APOBEC3B: variants seen among roughly 807,000 people sequenced by gnomAD.
APOBEC3B encodes the protein apolipoprotein B mRNA editing enzyme catalytic subunit 3B.
Under a neutral mutation model 53.4 loss-of-function variants are expected in APOBEC3B, and 29 were observed. The ratio of observed to expected loss-of-function variants is 0.54; its 90% CI spans 0.40 to 0.74. APOBEC3B has a LOEUF of 0.74. Among genes scored for constraint, APOBEC3B ranks in the 30% least tolerant of loss-of-function variants. The pLI, the probability that APOBEC3B is intolerant of heterozygous loss-of-function variation, is 0.00. For missense variants in APOBEC3B, 347 were observed against 496.2 expected (o/e 0.70, Z 2.86); for synonymous variants, 132 against 184.8 (o/e 0.71, Z 2.32).
At chr22:38,989,645 C>G in intron 5 of APOBEC3B, 35 bp downstream of exon 5, 1 of 1,532,212 alleles carries the variant, frequency 6.5e-7, no homozygotes, top group African/African-American at 1.4e-5. Context: ...CAGGCAGGGC[C>G]CTCCCAATCC....
intron 7 of APOBEC3B, 37 bp from the exon 8 acceptor site, chr22:38,992,394 T>C: frequency 6.3e-7 from 1 of 1,597,024 alleles, no homozygotes; most frequent in Non-Finnish European, 8.5e-7. Context: ...TTCCACTCTC[T>C]CACCTCCTGC....
At chr22:38,986,123 C>G in intron 3 of APOBEC3B, 32 bp downstream of exon 3, 1 of 1,583,994 alleles carries the variant, frequency 6.3e-7, no homozygotes, top group South Asian at 1.1e-5. Flanking sequence ...GGAGCGTGAG[C>G]GGGAGGAACA....
Position 38,982,551 on chromosome 22 carries a change from C to T in APOBEC3B, c.17+81C>T. ...CCTGCTGGGCCTCAACCCTGGCCTC[C>T]CCCCGCCCCTGCCCCAGCCCTGGGC... On this transcript the variant is annotated intron_variant, in intron 1 of 7. Transcript: ENST00000333467. The T allele has an allele frequency of 7.9e-6, 12 of 1,525,116 alleles. 3 individuals are homozygous for T. The highest frequency in any genetic ancestry group is 3.7e-5 in the Admixed American group (2 of 53,696). The allele number at this position is 1,525,116 out of a possible 1,614,324, so 94.5% of individuals were successfully genotyped here.
intron 4 of APOBEC3B, among the ~76,000 whole-genome samples, chr22:38,988,691 T>TCTCTCTCTC (rs1447601363): frequency 2.3e-5 from 2 of 87,912 alleles, no homozygotes; most frequent in East Asian, 6.1e-4. Flanking sequence ...TTCTCTTTCT[T>TCTCTCTCTC]TCTTTCTTTC....
Position 38,989,582 on chromosome 22 carries a change from A to G in APOBEC3B, c.695A>G (p.Asp232Gly). 3 of 1,585,476 alleles carry G rather than the reference A, an allele frequency of 1.9e-6. No individual in the cohort carries two copies. Among genetic ancestry groups the G allele is most frequent in the Non-Finnish European group, 2.6e-6 (3 of 1,167,346 alleles). Residue 232 changes from aspartate (D) to glycine (G), a missense_variant, in exon 5 of 8, where the codon GAC becomes GGC. Around this residue, in one of 5 missense-constraint regions of APOBEC3B, gnomAD observed 156 missense variants for 166.7 expected, o/e 0.94. Transcript: ENST00000333467. The stretch of plus-strand genomic sequence containing the variant: ...GACAATGGCACCTGGGTCCTGATGG[A>G]CCAGCACATGGGCTTTCTATGCAAC... ...RLDNGTWVLM[D>G]QHMGFLCNEA...
In APOBEC3B at chr22:38,985,932, G is replaced by A; in HGVS notation, c.295G>A (p.Asp99Asn). ...TWFVSWTPCP[D>N]CVAKLAEFLS... ...GTTTGTATCCTGGACCCCCTGCCCG[G>A]ACTGTGTGGCGAAGCTGGCCGAATT... The change falls in exon 3 of 8, where the codon GAC becomes AAC. Residue 99 changes from aspartate (D) to asparagine (N), a missense_variant. Coordinates refer to ENST00000333467, the MANE Select transcript of APOBEC3B (RefSeq NM_004900.5). 1 of 1,601,580 alleles carries A rather than the reference G, an allele frequency of 6.2e-7. No individual in the cohort carries two copies. The highest frequency in any genetic ancestry group is 8.5e-7 in the Non-Finnish European group (1 of 1,176,582).
At chr22:38,984,896 T>G (rs1923673430) in intron 2 of APOBEC3B, among the ~76,000 whole-genome samples, 1 of 24,990 alleles carries the variant, frequency 4.0e-5, no homozygotes, top group Non-Finnish European at 8.7e-5. Context: ...CTTTTTTTCC[T>G]TTTTTTTTTT....
chr22:38,991,553 C>T lies in APOBEC3B; in HGVS notation c.945C>T (p.Tyr315=), dbSNP rs1065184. ...TCTTCGCTGCCCGCATCTATGATTACGACCCCCTATATAAGGAGGCGCTGC... is the reference window on the plus strand; with the variant it reads ...TCTTCGCTGCCCGCATCTATGATTATGACCCCCTATATAAGGAGGCGCTGC... ...LRIFAARIYD[Y]DPLYKEALQM... Residue 315 remains tyrosine (Y), a synonymous_variant, in exon 6 of 8, where the codon TAC becomes TAT. Coordinates refer to ENST00000333467, the MANE Select transcript of APOBEC3B (RefSeq NM_004900.5). The T allele has an allele frequency of 0.45, 712,515 of 1,575,482 alleles. 113,546 individuals are homozygous for T. Among genetic ancestry groups the T allele is most frequent in the South Asian group, 0.57 (49,845 of 87,398 alleles).
At position 38,991,525 on chromosome 22, in the gene APOBEC3B, G is replaced by T. The variant is rs772607602; in HGVS notation, c.917G>T (p.Arg306Leu). The T allele has an allele frequency of 8.2e-6, 13 of 1,593,892 alleles. 2 individuals carry two copies. Among genetic ancestry groups the T allele is most frequent in the Non-Finnish European group, 1.1e-5 (13 of 1,172,724 alleles). The change falls in exon 6 of 8, where the codon CGC becomes CTC. Residue 306 changes from arginine (R) to leucine (L), a missense_variant. This residue lies in a region of APOBEC3B where 78 missense variants were observed against 103.9 expected (regional missense o/e 0.75). Coordinates refer to ENST00000333467, the MANE Select transcript of APOBEC3B (RefSeq NM_004900.5). ...FLQENTHVRL[R>L]IFAARIYDYD... is the part of the protein sequence containing the mutation. ...CAGGAGAACACACACGTGAGACTGC[G>T]CATCTTCGCTGCCCGCATCTATGAT...
intron 4 of APOBEC3B, among the ~76,000 whole-genome samples, chr22:38,988,691 T>TTC (rs1569039012): frequency 8.0e-5 from 7 of 87,944 alleles, no homozygotes; most frequent in Admixed American, 2.5e-4. Flanking sequence ...TTCTCTTTCT[T>TTC]TCTTTCTTTC....
chr22:38,984,138 C>T lies in APOBEC3B; in HGVS notation c.81C>T (p.Leu27=). ...ACAACTTTGAAAACGAACCCATCCTCTATGGTCGGAGCTACACTTGGCTGT... is the reference window on the plus strand; with the variant it reads ...ACAACTTTGAAAACGAACCCATCCTTTATGGTCGGAGCTACACTTGGCTGT... The part of the protein sequence containing the change: ...FYDNFENEPI[L]YGRSYTWLCY... The change falls in exon 2 of 8, where the codon CTC becomes CTT. Residue 27 remains leucine, a synonymous_variant. Transcript: ENST00000333467. 6.3e-7 allele frequency: 1 copy of T among 1,591,404 alleles called. No homozygotes were observed. Among genetic ancestry groups the T allele is most frequent in the Non-Finnish European group, 8.5e-7 (1 of 1,171,832 alleles).
At position 38,983,134 on chromosome 22, in the gene APOBEC3B, T is replaced by G. The variant is rs1923598953; in HGVS notation, c.17+664T>G. Among the ~76,000 whole-genome samples, 7 of 148,034 alleles carry G rather than the reference T, an allele frequency of 4.7e-5. 2 individuals are homozygous for G. The South Asian group carries it at 1.6e-3, about 33-fold the overall frequency. On this transcript the variant is annotated intron_variant, in intron 1 of 7. Coordinates refer to ENST00000333467, the MANE Select transcript of APOBEC3B (RefSeq NM_004900.5). ...GAGTTTGAGACCAACCTGGCCCATA[T>G]GGTGAAACCCCGTCTCTACTAAAAA...
Position 38,982,537 on chromosome 22 carries a change from T to C in APOBEC3B, c.17+67T>C. On this transcript the variant is annotated intron_variant, in intron 1 of 7. Coordinates refer to ENST00000333467, the MANE Select transcript of APOBEC3B (RefSeq NM_004900.5). ...TCCTGCCTGGTGGTCCTGCTGGGCC[T>C]CAACCCTGGCCTCCCCCCGCCCCTG... 1.3e-6 allele frequency: 2 copies of C among 1,568,744 alleles called. 1 individual carries two copies. Among genetic ancestry groups the C allele is most frequent in the South Asian group, 2.3e-5 (2 of 87,746 alleles).
At chr22:38,987,805 T>A (rs1331390415) in intron 4 of APOBEC3B, among the ~76,000 whole-genome samples, 1 of 148,362 alleles carries the variant, frequency 6.7e-6, no homozygotes, top group South Asian at 2.2e-4. Context: ...GGAGAAATGC[T>A]CTTATTTTAG....
chr22:38,990,415 A>G (rs377102984), intron 5 of APOBEC3B, among the ~76,000 whole-genome samples: 16 of 146,748 alleles, frequency 1.1e-4, no homozygotes, highest in South Asian at 2.3e-4. Context: ...CTCTGATGGA[A>G]TCCCTCCCTG....
At chr22:38,982,666 T>C (rs1923580390) in intron 1 of APOBEC3B, among the ~76,000 whole-genome samples, 196 bp downstream of exon 1, 1 of 146,656 alleles carries the variant, frequency 6.8e-6, no homozygotes, top group African/African-American at 2.5e-5. Context: ...CTGAATGGGC[T>C]GCCTCCCCTA....
intron 1 of APOBEC3B, 135 bp downstream of exon 1, chr22:38,982,605 G>T: frequency 9.6e-7 from 1 of 1,040,824 alleles, no homozygotes; most frequent in South Asian, 1.4e-5. Context: ...CCTGCCACAC[G>T]AATCCCAGTC....
At chr22:38,989,378 T>A (rs1664428880) in intron 4 of APOBEC3B, 79 bp from the exon 5 acceptor site, 2 of 1,325,310 alleles carry the variant, frequency 1.5e-6, no homozygotes, top group Non-Finnish European at 2.0e-6. Context: ...AGGGAAGGAG[T>A]GGGGGGTGCA....
chr22:38,984,826 T>G (rs1489491267), intron 2 of APOBEC3B, among the ~76,000 whole-genome samples: 1 of 146,688 alleles, frequency 6.8e-6, no homozygotes, highest in Non-Finnish European at 1.5e-5. Flanking sequence ...AACACAACAA[T>G]AAGTAAAATG....
Sources: allele counts gnomAD v4.1 joint callset (sites outside exome capture counted in the v4.1 genomes callset), GRCh38; gene constraint gnomAD v4.1.1; regional missense constraint gnomAD v4.1.1; transcripts MANE v1.5; gene names NCBI Gene and HGNC (gene_info 2026-07-23, HGNC 2026-07-21).